FSTL5: variants seen among roughly 807,000 people sequenced by gnomAD.
The protein encoded by FSTL5 is follistatin-related protein 5.
Under a neutral mutation model 89.1 loss-of-function variants are expected in FSTL5, and 62 were observed. That is an observed-to-expected ratio of 0.70 (90% CI 0.57 to 0.86). The LOEUF (loss-of-function observed/expected upper bound fraction) is 0.86, where lower values mean the gene tolerates loss of function less well. Among genes scored for constraint, FSTL5 ranks in the 40% least tolerant of loss-of-function variants. The probability of loss-of-function intolerance (pLI) is 0.00; values close to 1 mark genes in which losing one functional copy is unlikely to be tolerated. For missense variants in FSTL5, 1,057 were observed against 1,001.6 expected (o/e 1.06, Z -0.75); for synonymous variants, 383 against 346.2 (o/e 1.11, Z -1.18).
At chr4:161,444,906 A>G (rs1673368191) in intron 15 of FSTL5, among the ~76,000 whole-genome samples, 1 of 151,974 alleles carries the variant, frequency 6.6e-6, no homozygotes, top group Admixed American at 6.6e-5. Context: ...CATTTGTAGA[A>G]TGGGAATAAA....
intron 1 of FSTL5, among the ~76,000 whole-genome samples, chr4:162,159,386 G>T (rs1733606086): frequency 6.6e-6 from 1 of 151,870 alleles, no homozygotes; most frequent in South Asian, 2.1e-4. Flanking sequence ...TTTTGCTTTG[G>T]AATTGTTACT....
intron 13 of FSTL5, among the ~76,000 whole-genome samples, chr4:161,464,828 A>T (rs1733698106): frequency 6.6e-6 from 1 of 152,126 alleles, no homozygotes. Context: ...TCTGATGTTG[A>T]AATTGAGATT....
chr4:162,010,257 C>T (rs1184422159), intron 3 of FSTL5, among the ~76,000 whole-genome samples: 1 of 151,948 alleles, frequency 6.6e-6, no homozygotes, highest in East Asian at 1.9e-4. Flanking sequence ...TCTTAAAGCA[C>T]TCTGAGATGA....
rs1734711261 is a variant in FSTL5, at chr4:161,945,555, C to A, written c.161-24903G>T. On this transcript the variant is annotated intron_variant, in intron 3 of 15. Transcript: ENST00000306100. ...GATCACGAGGTCAGGAGTTCGACAC[C>A]AGCCTGTTCAATATGGTAAAACCCC... 2.0e-5 allele frequency among the ~76,000 whole-genome samples: 3 copies of A among 152,112 alleles called. No homozygotes were observed. In the South Asian group the frequency reaches 6.2e-4, roughly 31 times the overall value.
In FSTL5 at chr4:161,587,520, C is replaced by T; in HGVS notation, c.950G>A (p.Gly317Asp). The change falls in exon 8 of 16, where the codon GGC becomes GAC. Residue 317 changes from glycine to aspartate, a missense_variant. Gly to Asp is a moderately conservative substitution (Grantham distance 94, BLOSUM62 -1). Transcript: ENST00000306100. Reference protein sequence around the residue: ...YITKVTTTHVGNYTCYADGYE... With the variant: ...YITKVTTTHVDNYTCYADGYE... ...GCCATCTGCATAGCAGGTGTAATTG[C>T]CAACGTGAGTTGTGGTAACCTTAGT... 2 of 1,611,590 alleles carry T rather than the reference C, an allele frequency of 1.2e-6. No individual in the cohort carries two copies. The highest frequency in any genetic ancestry group is 1.7e-6 in the Non-Finnish European group (2 of 1,178,076).
At position 161,417,505 on chromosome 4, in the gene FSTL5, G is replaced by C. The variant is rs116844104; in HGVS notation, c.1842-31056C>G. On this transcript the variant is annotated intron_variant, in intron 15 of 15. Transcript: ENST00000306100. Reference sequence around the variant, plus strand: ...TTACAATTTCCTCTTTTCATAGTGTGCTGTTTAAAAACCAGCCTAGATACT... The same window carrying C: ...TTACAATTTCCTCTTTTCATAGTGTCCTGTTTAAAAACCAGCCTAGATACT... Among the ~76,000 whole-genome samples, 527 of 152,208 alleles carry C rather than the reference G, an allele frequency of 3.5e-3. 13 individuals carry two copies. The East Asian group carries it at 0.054, about 16-fold the overall frequency.
chr4:161,656,585 T>C lies in FSTL5; in HGVS notation c.728-91A>G, dbSNP rs112093892. 399 of 688,866 alleles carry C rather than the reference T, an allele frequency of 5.8e-4. 1 individual carries two copies. The African/African-American group carries it at 6.8e-3, about 12-fold the overall frequency. 42.7% of individuals were successfully genotyped at this position (688,866 alleles called of 1,614,324 possible). ...TTCTGAATACTAGTAATTAAGGCTT[T>C]TAATTTGAATAAAAGGGAAAAAAGC... On this transcript the variant is annotated intron_variant, in intron 6 of 15. Transcript: ENST00000306100.
rs17041593 is a variant in FSTL5 at position 161,816,347 on chromosome 4, C to G, written c.410-40273G>C. Among the ~76,000 whole-genome samples the G allele has an allele frequency of 4.6e-3, 701 of 152,262 alleles. 5 individuals carry two copies. Among genetic ancestry groups the G allele is most frequent in the African/African-American group, 0.016 (656 of 41,570 alleles). On this transcript the variant is annotated intron_variant, in intron 4 of 15. Transcript: ENST00000306100. ...ATTTATTTCTTCATTGGGTGAAAAA[C>G]AATTTTAAATATGTCACTGATGTTA...
chr4:162,162,918 G>A (rs536302983), intron 1 of FSTL5, among the ~76,000 whole-genome samples: 4 of 152,272 alleles, frequency 2.6e-5, no homozygotes, highest in Middle Eastern at 3.4e-3. Flanking sequence ...ACCTGAGGGG[G>A]TTGCAAGGGG....
intron 6 of FSTL5, among the ~76,000 whole-genome samples, chr4:161,672,582 T>C (rs887011260): frequency 2.0e-5 from 3 of 152,198 alleles, no homozygotes; most frequent in Non-Finnish European, 4.4e-5. Context: ...CATTTACTTA[T>C]GGTTTATAAT....
intron 15 of FSTL5, among the ~76,000 whole-genome samples, chr4:161,434,232 T>C (rs1312703662): frequency 1.3e-5 from 2 of 151,694 alleles, no homozygotes; most frequent in Non-Finnish European, 3.0e-5. Context: ...GAATAGAGGA[T>C]CCAGAAACAA....
At chr4:162,020,110 AT>A (rs1286146352) in intron 3 of FSTL5, among the ~76,000 whole-genome samples, 1 of 151,834 alleles carries the variant, frequency 6.6e-6, no homozygotes, top group African/African-American at 2.4e-5. Flanking sequence ...ATTTCCAAAA[AT>A]ATCTTCAAAT....
At chr4:162,122,104 T>A (rs376158282) in intron 1 of FSTL5, among the ~76,000 whole-genome samples, 1 of 152,048 alleles carries the variant, frequency 6.6e-6, no homozygotes, top group Non-Finnish European at 1.5e-5. Flanking sequence ...TCAAAAGTTA[T>A]ATTTGAATTT....
intron 4 of FSTL5, among the ~76,000 whole-genome samples, chr4:161,799,577 AC>A (rs1406061724): frequency 6.6e-6 from 1 of 151,750 alleles, no homozygotes; most frequent in Non-Finnish European, 1.5e-5. Flanking sequence ...ATTTTAAAGT[AC>A]TATATGACTT....
At chr4:161,480,771 T>C (rs1428211304) in intron 13 of FSTL5, among the ~76,000 whole-genome samples, 1 of 152,134 alleles carries the variant, frequency 6.6e-6, no homozygotes, top group East Asian at 1.9e-4. Context: ...TGTGTGGAGC[T>C]AGGCAGGTTA....
chr4:161,531,572 T>C (rs1180385421), intron 10 of FSTL5, among the ~76,000 whole-genome samples: 2 of 152,166 alleles, frequency 1.3e-5, no homozygotes, highest in Non-Finnish European at 2.9e-5. Context: ...GAAGTATAAA[T>C]TGACTCAATG....
At chr4:161,566,135 T>TATATACAC (rs1267325201) in intron 8 of FSTL5, among the ~76,000 whole-genome samples, 22 of 55,154 alleles carry the variant, frequency 4.0e-4, no homozygotes, top group South Asian at 1.7e-3. Flanking sequence ...TATATATATA[T>TATATACAC]ACACACACAC....
chr4:161,938,771 T>C (rs1734500094), intron 3 of FSTL5, among the ~76,000 whole-genome samples: 1 of 152,040 alleles, frequency 6.6e-6, no homozygotes, highest in South Asian at 2.1e-4. Context: ...ATAAGATCCT[T>C]TTAATAATTT....
At chr4:162,011,685 C>T (rs913901715) in intron 3 of FSTL5, among the ~76,000 whole-genome samples, 11 of 151,984 alleles carry the variant, frequency 7.2e-5, no homozygotes, top group African/African-American at 1.5e-4. Context: ...TTAGTAGAGA[C>T]GGGGTTTCAC....
Sources: allele counts gnomAD v4.1 joint callset (sites outside exome capture counted in the v4.1 genomes callset), GRCh38; gene constraint gnomAD v4.1.1; transcripts MANE v1.5; gene names NCBI Gene and HGNC (gene_info 2026-07-23, HGNC 2026-07-21).